The following TMEM123 variants were observed in gnomAD, a reference collection of about 807,000 sequenced individuals.
The protein encoded by TMEM123 is porimin.
In TMEM123, 16 loss-of-function variants were observed where a neutral mutation model predicts 19.7. That is an observed-to-expected ratio of 0.81 (90% confidence interval 0.55 to 1.23). The LOEUF (loss-of-function observed/expected upper bound fraction) is 1.23, where lower values mean the gene tolerates loss of function less well. Ranked by LOEUF, TMEM123 falls within the 50% of genes most tolerant of loss-of-function variation. The probability of loss-of-function intolerance (pLI) is 0.00; values close to 1 mark genes in which losing one functional copy is unlikely to be tolerated. For missense variants in TMEM123, 313 were observed against 257.8 expected (o/e 1.21, Z -1.47); for synonymous variants, 118 against 99.4 (o/e 1.19, Z -1.12).
At position 102,448,885 on chromosome 11, in the gene TMEM123, A is replaced by G; in HGVS notation, c.101-17T>C. ...TTGCAGATGCTGTAAAAATAAAGAA[A>G]TATCCTGTTATGAAAGAACATTTAA... On this transcript the variant is annotated splice_polypyrimidine_tract_variant and intron_variant, in intron 1 of 4. Coordinates refer to ENST00000398136, the MANE Select transcript of TMEM123 (RefSeq NM_052932.3). 1 of 1,612,430 alleles carries G rather than the reference A, an allele frequency of 6.2e-7. No individual in the cohort carries two copies. Among genetic ancestry groups the G allele is most frequent in the Non-Finnish European group, 8.5e-7 (1 of 1,178,704 alleles).
intron 2 of TMEM123, among the ~76,000 whole-genome samples, chr11:102,446,627 T>C (rs1857886046): frequency 6.6e-6 from 1 of 152,220 alleles, no homozygotes; most frequent in Non-Finnish European, 1.5e-5. Flanking sequence ...ATATCCTGCA[T>C]ACCTACTATG....
At chr11:102,436,818 A>C (rs1369414847) in intron 2 of TMEM123, among the ~76,000 whole-genome samples, 2 of 152,220 alleles carry the variant, frequency 1.3e-5, no homozygotes, top group African/African-American at 4.8e-5. Flanking sequence ...ATGCAAAAGA[A>C]AGACAATAAA....
chr11:102,449,415 G>A (rs1042724907), intron 1 of TMEM123: 1 of 153,284 alleles, frequency 6.5e-6, no homozygotes, highest in African/African-American at 2.4e-5. Flanking sequence ...AGATTTCTAT[G>A]TCCCAATTAA....
At position 102,435,697 on chromosome 11, in the gene TMEM123, T is replaced by C. The variant is rs549478613; in HGVS notation, c.157+13115A>G. Among the ~76,000 whole-genome samples the C allele has an allele frequency of 7.9e-5, 12 of 152,060 alleles. No homozygotes were observed. The South Asian group carries it at 2.5e-3, about 31-fold the overall frequency. ...ACTCCAATGTCCATCAACAGATGAATGGATAAACCATATGTGACATACCCA... is the reference window on the plus strand; with the variant it reads ...ACTCCAATGTCCATCAACAGATGAACGGATAAACCATATGTGACATACCCA... On this transcript the variant is annotated intron_variant, in intron 2 of 4. Transcript: ENST00000398136.
intron 2 of TMEM123, among the ~76,000 whole-genome samples, chr11:102,422,347 G>A (rs1192071338): frequency 2.6e-5 from 4 of 152,216 alleles, no homozygotes; most frequent in Non-Finnish European, 4.4e-5. Flanking sequence ...GGTGGCACAC[G>A]CCTGTAATCC....
At chr11:102,447,000 A>G (rs985523459) in intron 2 of TMEM123, among the ~76,000 whole-genome samples, 1 of 152,264 alleles carries the variant, frequency 6.6e-6, no homozygotes, top group Non-Finnish European at 1.5e-5. Context: ...ACAGTTAAGC[A>G]TCCATCCTAT....
chr11:102,444,502 T>G (rs946877023), intron 2 of TMEM123, among the ~76,000 whole-genome samples: 2 of 150,828 alleles, frequency 1.3e-5, no homozygotes, highest in Non-Finnish European at 3.0e-5. Context: ...ATGAGAACAC[T>G]TGAACACAGG....
intron 2 of TMEM123, among the ~76,000 whole-genome samples, chr11:102,409,548 G>C (rs1951984662): frequency 6.6e-6 from 1 of 150,634 alleles, no homozygotes; most frequent in Non-Finnish European, 1.5e-5. Context: ...TGAAAATCTA[G>C]ATTAAAAAAA....
At chr11:102,416,007 T>C (rs2135849918) in intron 2 of TMEM123, among the ~76,000 whole-genome samples, 1 of 152,258 alleles carries the variant, frequency 6.6e-6, no homozygotes, top group African/African-American at 2.4e-5. Context: ...TTCCACCTTC[T>C]GGGTTCCAGT....
chr11:102,420,840 G>A (rs548077358), intron 2 of TMEM123, among the ~76,000 whole-genome samples: 1 of 152,172 alleles, frequency 6.6e-6, no homozygotes, highest in African/African-American at 2.4e-5. Context: ...TTGAGGTCAG[G>A]AGTTCAAAAC....
At chr11:102,429,605 T>A (rs1399497911) in intron 2 of TMEM123, among the ~76,000 whole-genome samples, 1 of 152,226 alleles carries the variant, frequency 6.6e-6, no homozygotes, top group Non-Finnish European at 1.5e-5. Context: ...TGTGCTGCAA[T>A]GTGACTCTAC....
chr11:102,405,481 T>G lies in TMEM123; in HGVS notation c.158-3275A>C, dbSNP rs535107548. Reference sequence around the variant, plus strand: ...TGAACTTGAACTAATCTTTTCTTATTCAAGTCTGAATGTTCTATAGAGATA... The same window carrying G: ...TGAACTTGAACTAATCTTTTCTTATGCAAGTCTGAATGTTCTATAGAGATA... On this transcript the variant is annotated intron_variant, in intron 2 of 4. Transcript: ENST00000398136. 1.9e-3 allele frequency among the ~76,000 whole-genome samples: 288 copies of G among 152,348 alleles called. 1 individual carries two copies. The highest frequency in any genetic ancestry group is 6.4e-3 in the African/African-American group (267 of 41,580).
At chr11:102,407,989 G>A (rs146086932) in intron 2 of TMEM123, among the ~76,000 whole-genome samples, 117 of 152,262 alleles carry the variant, frequency 7.7e-4, no homozygotes, top group African/African-American at 2.6e-3. Flanking sequence ...TATTGAGCTG[G>A]TTCCTTTTGC....
At chr11:102,429,415 C>T (rs1952156947) in intron 2 of TMEM123, among the ~76,000 whole-genome samples, 1 of 152,154 alleles carries the variant, frequency 6.6e-6, no homozygotes, top group Non-Finnish European at 1.5e-5. Context: ...CTTTTCAACT[C>T]ATGTCAGCAA....
chr11:102,411,593 C>G (rs755031460), intron 2 of TMEM123, among the ~76,000 whole-genome samples: 32 of 151,640 alleles, frequency 2.1e-4, no homozygotes, highest in Non-Finnish European at 4.1e-4. Flanking sequence ...CTGGTGGGAT[C>G]TGACACTAAA....
At chr11:102,428,763 G>A (rs1177358485) in intron 2 of TMEM123, among the ~76,000 whole-genome samples, 2 of 152,142 alleles carry the variant, frequency 1.3e-5, no homozygotes, top group South Asian at 2.1e-4. Context: ...TCCAATTTAA[G>A]TGGTACATTT....
At chr11:102,431,668 T>C (rs889851031) in intron 2 of TMEM123, among the ~76,000 whole-genome samples, 3 of 152,200 alleles carry the variant, frequency 2.0e-5, no homozygotes, top group African/African-American at 7.2e-5. Flanking sequence ...TGTGTGTATA[T>C]GTATCACATG....
intron 2 of TMEM123, among the ~76,000 whole-genome samples, chr11:102,402,988 A>G (rs2135842441): frequency 6.6e-6 from 1 of 152,272 alleles, no homozygotes; most frequent in Middle Eastern, 3.4e-3. Flanking sequence ...ACATATAGGT[A>G]CAGATCTTGT....
chr11:102,418,526 G>A (rs1468709640), intron 2 of TMEM123, among the ~76,000 whole-genome samples: 2 of 152,148 alleles, frequency 1.3e-5, no homozygotes. Context: ...TACTGGCAAG[G>A]CCATGGAGAA....
Sources: gnomAD v4.1 joint callset for allele counts (sites outside exome capture counted in the v4.1 genomes callset) on GRCh38, gnomAD v4.1.1 for gene constraint, MANE v1.5 for transcripts, NCBI Gene and HGNC (gene_info 2026-07-23, HGNC 2026-07-21) for gene names.